The following SLC35F4 variants were observed in gnomAD, a reference collection of about 807,000 sequenced individuals.
SLC35F4 encodes solute carrier family 35 member F4, also known as chromosome 14 open reading frame 36.
In SLC35F4, 24 loss-of-function variants were observed where a neutral mutation model predicts 44.2. The observed-to-expected ratio is 0.54, with a 90% CI of 0.39 to 0.76. The LOEUF is 0.76. Ranked by LOEUF, SLC35F4 falls within the 30% of genes least tolerant of loss-of-function variation. The probability of loss-of-function intolerance (pLI) is 0.00; values close to 1 mark genes in which losing one functional copy is unlikely to be tolerated. For missense variants in SLC35F4, 562 were observed against 586.1 expected (o/e 0.96, Z 0.42); for synonymous variants, 238 against 223.6 (o/e 1.06, Z -0.57).
chr14:57,827,710 C>T (rs932557344), intron 1 of SLC35F4, among the ~76,000 whole-genome samples: 1 of 150,452 alleles, frequency 6.6e-6, no homozygotes, highest in Admixed American at 6.6e-5. Flanking sequence ...CACAGTGAGG[C>T]ACAATAGAAG....
intron 1 of SLC35F4, among the ~76,000 whole-genome samples, chr14:57,978,172 G>A (rs568965146): frequency 6.6e-6 from 1 of 152,128 alleles, no homozygotes; most frequent in Non-Finnish European, 1.5e-5. Context: ...CCCTCACCAA[G>A]GCTGATCTAG....
intron 1 of SLC35F4, among the ~76,000 whole-genome samples, chr14:57,683,204 C>T (rs1348509235): frequency 1.3e-5 from 2 of 152,158 alleles, no homozygotes; most frequent in Non-Finnish European, 2.9e-5. Flanking sequence ...AAAACATTTA[C>T]TATAGCGAGC....
intron 1 of SLC35F4, among the ~76,000 whole-genome samples, chr14:57,842,263 T>C (rs965448123): frequency 6.6e-6 from 1 of 152,240 alleles, no homozygotes; most frequent in Non-Finnish European, 1.5e-5. Context: ...TTAAGTGAGT[T>C]ACATGAGGAA....
chr14:57,867,893 G>A (rs1888216866), upstream of SLC35F4, among the ~76,000 whole-genome samples: 1 of 152,058 alleles, frequency 6.6e-6, no homozygotes, highest in African/African-American at 2.4e-5. Flanking sequence ...GAATATATAT[G>A]TATACACATA....
chr14:57,692,189 G>A (rs963264131), intron 1 of SLC35F4, among the ~76,000 whole-genome samples: 5 of 151,988 alleles, frequency 3.3e-5, no homozygotes, highest in Admixed American at 1.3e-4. Flanking sequence ...ATTCCCAATC[G>A]AAGCTCCTAG....
chr14:57,584,424 G>A (rs1202749354), intron 3 of SLC35F4, among the ~76,000 whole-genome samples: 1 of 152,184 alleles, frequency 6.6e-6, no homozygotes, highest in African/African-American at 2.4e-5. Flanking sequence ...GTTCAGTCAT[G>A]AGAGCTTCGG....
At chr14:57,806,486 G>T (rs1398446534) in intron 1 of SLC35F4, among the ~76,000 whole-genome samples, 1 of 152,072 alleles carries the variant, frequency 6.6e-6, no homozygotes, top group Non-Finnish European at 1.5e-5. Context: ...AAATAGACTG[G>T]CCTGCCTCAA....
At chr14:57,629,488 AC>A (rs2072655852) in intron 1 of SLC35F4, among the ~76,000 whole-genome samples, 2 of 152,156 alleles carry the variant, frequency 1.3e-5, no homozygotes, top group Non-Finnish European at 2.9e-5. Context: ...GGAAGAACAT[AC>A]AATATCTTCC....
intron 1 of SLC35F4, among the ~76,000 whole-genome samples, chr14:57,856,639 G>A (rs995859268): frequency 2.0e-5 from 3 of 151,972 alleles, no homozygotes; most frequent in African/African-American, 7.3e-5. Flanking sequence ...TAGACCTTAT[G>A]TGTTCTAGTT....
chr14:57,880,089 G>A (rs1314040317), intron 1 of SLC35F4, among the ~76,000 whole-genome samples: 1 of 127,144 alleles, frequency 7.9e-6, no homozygotes, highest in African/African-American at 2.9e-5. Context: ...AGGAAGGAAG[G>A]AAGGAAGGAA....
At chr14:57,750,999 G>A (rs888333583) in intron 1 of SLC35F4, among the ~76,000 whole-genome samples, 3 of 152,080 alleles carry the variant, frequency 2.0e-5, no homozygotes, top group Admixed American at 6.6e-5. Context: ...CTCCGTCTCC[G>A]TTTATCTAGC....
chr14:57,575,200 A>G (rs1594902755), intron 4 of SLC35F4, among the ~76,000 whole-genome samples: 2 of 152,170 alleles, frequency 1.3e-5, no homozygotes, highest in East Asian at 3.9e-4. Context: ...AAACTAGGCC[A>G]GGCACAGTGG....
At chr14:57,637,363 TC>T (rs1471673277) in intron 1 of SLC35F4, among the ~76,000 whole-genome samples, 1 of 152,116 alleles carries the variant, frequency 6.6e-6, no homozygotes, top group Admixed American at 6.6e-5. Context: ...CAGTGTCTTG[TC>T]CCTCAGATCC....
intron 1 of SLC35F4, among the ~76,000 whole-genome samples, chr14:57,687,715 C>T (rs2075108076): frequency 6.6e-6 from 1 of 152,110 alleles, no homozygotes. Context: ...TTTTCAATCC[C>T]TTGTGGTTTA....
At chr14:57,581,845 G>A (rs75628918) in intron 3 of SLC35F4, among the ~76,000 whole-genome samples, 10,159 of 152,244 alleles carry the variant, frequency 0.067, 975 homozygotes, top group African/African-American at 0.21. Context: ...CCTAGAACCC[G>A]GAGGGAAAGG....
At chr14:57,646,234 C>T (rs2073505422) in intron 1 of SLC35F4, among the ~76,000 whole-genome samples, 1 of 152,128 alleles carries the variant, frequency 6.6e-6, no homozygotes, top group Non-Finnish European at 1.5e-5. Flanking sequence ...TAGAATTCGG[C>T]TGTGAATCCA....
At chr14:57,828,892 C>T (rs1566887269) in intron 1 of SLC35F4, among the ~76,000 whole-genome samples, 1 of 152,202 alleles carries the variant, frequency 6.6e-6, no homozygotes, top group Non-Finnish European at 1.5e-5. Context: ...ATAATTTCTC[C>T]ATAGCCCAAG....
chr14:57,710,504 G>C (rs1468626807), intron 1 of SLC35F4, among the ~76,000 whole-genome samples: 1 of 152,130 alleles, frequency 6.6e-6, no homozygotes, highest in Non-Finnish European at 1.5e-5. Context: ...GCATCCTCCA[G>C]ACCTCAGAAT....
chr14:57,898,458 A>G (rs77701509), intron 1 of SLC35F4, among the ~76,000 whole-genome samples: 1 of 152,332 alleles, frequency 6.6e-6, no homozygotes, highest in African/African-American at 2.4e-5. Flanking sequence ...AACTATGTTA[A>G]CCAGGAGGGT....
Sources: allele counts gnomAD v4.1 joint callset (sites outside exome capture counted in the v4.1 genomes callset), GRCh38; gene constraint gnomAD v4.1.1; transcripts MANE v1.5; gene names NCBI Gene and HGNC (gene_info 2026-07-23, HGNC 2026-07-21).